The following ARHGAP21 variants were observed in gnomAD, a reference collection of about 807,000 sequenced individuals.
ARHGAP21 encodes the protein Rho GTPase activating protein 21, also known as rho GTPase-activating protein 21.
In ARHGAP21, 38 loss-of-function variants were observed where a neutral mutation model predicts 164.6. That is an observed-to-expected ratio of 0.23 (90% CI 0.18 to 0.30). The LOEUF (loss-of-function observed/expected upper bound fraction) is 0.30, where lower values mean the gene tolerates loss of function less well. ARHGAP21 is among the 10% of genes least tolerant of loss of function. The pLI is 1.00. For synonymous variants in ARHGAP21, 766 were observed against 857.9 expected, an observed-to-expected ratio of 0.89 and a Z score of 1.87; for missense variants, 1,822 against 2,370.7, an observed-to-expected ratio of 0.77 and a Z score of 4.81.
intron 2 of ARHGAP21, among the ~76,000 whole-genome samples, chr10:24,695,030 A>T (rs926806230): frequency 1.1e-5 from 1 of 95,028 alleles, no homozygotes; most frequent in Non-Finnish European, 2.0e-5. Flanking sequence ...CAGCCTGGGT[A>T]ACAGAGCAAA....
chr10:24,632,063 G>A lies in ARHGAP21; in HGVS notation c.440+1339C>T, dbSNP rs139787096. On this transcript the variant is annotated intron_variant, in intron 6 of 25. Transcript: ENST00000396432. ...TATTAATCCACTGCAGAATCTCAAG[G>A]GCTTTGTGGTGCATTACCCATTTGC... Among the ~76,000 whole-genome samples the A allele has an allele frequency of 2.7e-3, 411 of 152,182 alleles. 1 individual carries two copies. The highest frequency in any genetic ancestry group is 0.014 in the Middle Eastern group (4 of 294).
chr10:24,627,047 G>A (rs1241553243), intron 7 of ARHGAP21, among the ~76,000 whole-genome samples: 1 of 152,086 alleles, frequency 6.6e-6, no homozygotes, highest in African/African-American at 2.4e-5. Context: ...CCTTACACGA[G>A]TCAAATTTTA....
intron 9 of ARHGAP21, among the ~76,000 whole-genome samples, chr10:24,616,225 T>C (rs1337448527): frequency 2.0e-5 from 3 of 152,220 alleles, no homozygotes; most frequent in Admixed American, 2.0e-4. Flanking sequence ...TGATTTCTCT[T>C]TATAAAAGAT....
At chr10:24,636,363 T>C (rs928889702) in intron 4 of ARHGAP21, among the ~76,000 whole-genome samples, 3 of 152,142 alleles carry the variant, frequency 2.0e-5, no homozygotes, top group Admixed American at 2.0e-4. Flanking sequence ...GAATGCAAAT[T>C]TGTGGACCCC....
intron 21 of ARHGAP21, among the ~76,000 whole-genome samples, chr10:24,593,186 C>T (rs1168254668): frequency 6.6e-6 from 1 of 152,164 alleles, no homozygotes; most frequent in African/African-American, 2.4e-5. Context: ...ACACATACAA[C>T]GACACCATCA....
intron 3 of ARHGAP21, among the ~76,000 whole-genome samples, chr10:24,668,838 A>C (rs1211436389): frequency 6.6e-6 from 1 of 152,182 alleles, no homozygotes; most frequent in East Asian, 1.9e-4. Context: ...TGTTTATATA[A>C]GTTTGGTAAA....
Position 24,655,165 on chromosome 10 carries a change from T to C in ARHGAP21, c.268+11820A>G, listed in dbSNP as rs1488577811. Among the ~76,000 whole-genome samples the C allele has an allele frequency of 2.1e-3, 316 of 152,274 alleles. 2 individuals are homozygous for C. The highest frequency in any genetic ancestry group is 7.3e-3 in the African/African-American group (302 of 41,562). On this transcript the variant is annotated intron_variant, in intron 4 of 25. Coordinates refer to ENST00000396432, the MANE Select transcript of ARHGAP21 (RefSeq NM_020824.4). ...AATGTTAGACCTAAAACCATAAAAA[T>C]CCTAGAAGAAAACCTAGGCAATACC... is the stretch of plus-strand genomic sequence containing the variant.
At chr10:24,623,806 G>T (rs1261666586) in intron 7 of ARHGAP21, among the ~76,000 whole-genome samples, 1 of 152,158 alleles carries the variant, frequency 6.6e-6, no homozygotes, top group Non-Finnish European at 1.5e-5. Context: ...AATTCGAAAG[G>T]AAAATATAAA....
intron 9 of ARHGAP21, among the ~76,000 whole-genome samples, chr10:24,612,041 G>A (rs947336123): frequency 9.2e-5 from 14 of 152,140 alleles, no homozygotes; most frequent in African/African-American, 2.2e-4. Context: ...TATGAGGCAC[G>A]TTTCTCACAG....
intron 2 of ARHGAP21, among the ~76,000 whole-genome samples, chr10:24,705,492 G>T (rs1446961853): frequency 6.6e-6 from 1 of 152,054 alleles, no homozygotes; most frequent in East Asian, 1.9e-4. Flanking sequence ...CCAGAATAGA[G>T]AAAACAGTAC....
Position 24,595,780 on chromosome 10 carries a change from T to G in ARHGAP21, c.3649A>C (p.Asn1217His). 2 of 1,613,640 alleles carry G rather than the reference T, an allele frequency of 1.2e-6. No homozygotes were observed. The highest frequency in any genetic ancestry group is 1.7e-6 in the Non-Finnish European group (2 of 1,179,762). The part of the protein sequence containing the change: ...DIQDDKWRDL[N>H]VISSLLKSFF... ...GATTTTAGTAAACTGCTTATCACAT[T>G]CAAATCTCGCCATTTCTAGGTGTAC... Residue 1217 changes from asparagine to histidine, a missense_variant, in exon 19 of 26, where the codon AAT (asparagine) becomes CAT (histidine). Asn to His is a moderately conservative substitution (Grantham distance 68, BLOSUM62 1). Transcript: ENST00000396432.
chr10:24,656,604 T>C (rs1370585843), intron 4 of ARHGAP21, among the ~76,000 whole-genome samples: 157 of 53,754 alleles, frequency 2.9e-3, no homozygotes, highest in African/African-American at 3.9e-3. Context: ...CCGCCCCGTC[T>C]GGGAGGTGAG....
intron 4 of ARHGAP21, among the ~76,000 whole-genome samples, chr10:24,637,550 T>C (rs1309952021): frequency 6.6e-6 from 1 of 152,206 alleles, no homozygotes; most frequent in African/African-American, 2.4e-5. Context: ...ATACAAAATG[T>C]AAATGACCAT....
intron 9 of ARHGAP21, among the ~76,000 whole-genome samples, chr10:24,610,627 G>T (rs1357914090): frequency 1.3e-5 from 2 of 152,106 alleles, no homozygotes; most frequent in Non-Finnish European, 2.9e-5. Context: ...TTTCCAAATG[G>T]AGAGTATTTC....
chr10:24,699,469 C>T (rs1331819257), intron 2 of ARHGAP21, among the ~76,000 whole-genome samples: 1 of 151,900 alleles, frequency 6.6e-6, no homozygotes, highest in Admixed American at 6.6e-5. Flanking sequence ...GGATTACAGG[C>T]GCCTGCCACC....
At chr10:24,598,060 T>G (rs765935106) in intron 14 of ARHGAP21, 51 bp from the exon 15 acceptor site, 1 of 1,468,808 alleles carries the variant, frequency 6.8e-7, no homozygotes, top group Non-Finnish European at 9.4e-7. Flanking sequence ...AAATAAGTGA[T>G]CCTTACTTTT....
chr10:24,627,618 T>A (rs1269062696), intron 7 of ARHGAP21, among the ~76,000 whole-genome samples: 3 of 152,230 alleles, frequency 2.0e-5, no homozygotes, highest in African/African-American at 7.2e-5. Context: ...TGCATGCTCA[T>A]GTTATTTACT....
At chr10:24,604,406 G>C (rs1224745702) in intron 11 of ARHGAP21, 58 bp from the exon 12 acceptor site, 18 of 1,222,104 alleles carry the variant, frequency 1.5e-5, no homozygotes, top group Non-Finnish European at 2.0e-5. Context: ...TCTTAAAGAT[G>C]TAAGAATAAT....
chr10:24,636,490 T>C (rs1197909222), intron 4 of ARHGAP21, among the ~76,000 whole-genome samples: 1 of 152,128 alleles, frequency 6.6e-6, no homozygotes, highest in African/African-American at 2.4e-5. Flanking sequence ...ACTGAGAAAA[T>C]AAGGCATATA....
Sources: gnomAD v4.1 joint callset for allele counts (sites outside exome capture counted in the v4.1 genomes callset) on GRCh38, gnomAD v4.1.1 for gene constraint, MANE v1.5 for transcripts, NCBI Gene and HGNC (gene_info 2026-07-23, HGNC 2026-07-21) for gene names.